SUGCT: variants seen among roughly 807,000 people sequenced by gnomAD.
The protein encoded by SUGCT is succinyl-CoA:glutarate-CoA transferase, also known as succinyl-CoA:glutarate CoA-transferase.
SUGCT carries 41 observed loss-of-function variants against 55.0 expected under a neutral mutation model. The ratio of observed to expected loss-of-function variants is 0.74; its 90% confidence interval spans 0.58 to 0.97. The LOEUF (loss-of-function observed/expected upper bound fraction) is 0.97, where lower values mean the gene tolerates loss of function less well. SUGCT is among the 50% of genes least tolerant of loss of function. SUGCT has a pLI of 0.00. For missense variants in SUGCT, 568 were observed against 547.8 expected (o/e 1.04, Z -0.37); for synonymous variants, 187 against 200.4 (o/e 0.93, Z 0.56).
chr7:40,383,910 C>T (rs1452581393), intron 9 of SUGCT, among the ~76,000 whole-genome samples: 32 of 152,072 alleles, frequency 2.1e-4, no homozygotes. Context: ...ATGCTTCCCC[C>T]TGCACAGATC....
intron 12 of SUGCT, among the ~76,000 whole-genome samples, chr7:40,698,007 A>G (rs560076080): frequency 2.1e-4 from 32 of 152,234 alleles, no homozygotes; most frequent in Non-Finnish European, 4.3e-4. Flanking sequence ...AGAGGAAGAC[A>G]TTCTGACAGG....
chr7:41,034,597 T>G, the SUGCT span, among the ~76,000 whole-genome samples: 3 of 152,238 alleles, frequency 2.0e-5, no homozygotes, highest in African/African-American at 7.2e-5. Context: ...TCCCTAGACA[T>G]GTTGACCTTT....
In SUGCT at chr7:40,832,230, G is replaced by A. The variant is rs886367918; in HGVS notation, c.1154-28086G>A. Among the ~76,000 whole-genome samples, 42 of 152,158 alleles carry A rather than the reference G, an allele frequency of 2.8e-4. 1 individual carries two copies. The highest frequency in any genetic ancestry group is 2.5e-3 in the East Asian group (13 of 5,170). On this transcript the variant is annotated intron_variant, in intron 13 of 13. Transcript: ENST00000335693. ...ATCCAACAGTTCTGGTTCTTGCTCC[G>A]CTTCCTTATTTGGGGGATTCTAGGC...
At chr7:40,915,909 G>T in the SUGCT span, among the ~76,000 whole-genome samples, 3 of 152,192 alleles carry the variant, frequency 2.0e-5, no homozygotes, top group African/African-American at 7.2e-5. Context: ...TATTGGGCAT[G>T]TTGGGTACCT....
At chr7:40,406,618 G>A (rs1299676755) in intron 9 of SUGCT, among the ~76,000 whole-genome samples, 3 of 152,128 alleles carry the variant, frequency 2.0e-5, no homozygotes, top group Non-Finnish European at 4.4e-5. Flanking sequence ...CATTAGGCAA[G>A]GAAATTGATT....
At position 40,206,269 on chromosome 7, in the gene SUGCT, A is replaced by G. The variant is rs867332258; in HGVS notation, c.484+11209A>G. 5.3e-5 allele frequency among the ~76,000 whole-genome samples: 8 copies of G among 152,356 alleles called. No homozygotes were observed. In the Middle Eastern group the frequency reaches 0.014, roughly 259 times the overall value. On this transcript the variant is annotated intron_variant, in intron 6 of 13. Coordinates refer to ENST00000335693, the MANE Select transcript of SUGCT (RefSeq NM_001193313.2). ...AAAAAAATTTTATACTTAAAAGGATAAAAACATACATGTCAGATAGTGTTT... is the reference window on the plus strand; with the variant it reads ...AAAAAAATTTTATACTTAAAAGGATGAAAACATACATGTCAGATAGTGTTT...
intron 12 of SUGCT, chr7:40,499,004 T>C (rs1453808999): frequency 2.3e-6 from 1 of 438,602 alleles, no homozygotes; most frequent in East Asian, 7.0e-5. Context: ...CTAAGTATGA[T>C]TTCCGTTTAA....
At chr7:40,557,771 TAAAAAAA>T (rs34029032) in intron 12 of SUGCT, among the ~76,000 whole-genome samples, 11 of 115,820 alleles carry the variant, frequency 9.5e-5, no homozygotes, top group African/African-American at 3.0e-4. Context: ...AGACTCTGTC[TAAAAAAA>T]AAAAAAAAGA....
chr7:40,181,989 G>A lies in SUGCT; in HGVS notation c.187G>A (p.Gly63Arg), dbSNP rs757708204. 2.5e-6 allele frequency: 4 copies of A among 1,602,244 alleles called. No individual in the cohort carries two copies. In the Admixed American group the frequency reaches 5.1e-5, roughly 20 times the overall value. The change falls in exon 3 of 14, where the codon GGA becomes AGA. Residue 63 changes from glycine to arginine, a missense_variant. Transcript: ENST00000335693. ...LAGPFATMNL[G>R]DLGAEVIKVE... The stretch of plus-strand genomic sequence containing the variant: ...GGGACCTTTTGCTACTATGAATTTA[G>A]GAGATCTTGGAGCAGAAGTTATAAA...
At chr7:40,888,913 G>A in the SUGCT span, among the ~76,000 whole-genome samples, 1 of 152,238 alleles carries the variant, frequency 6.6e-6, no homozygotes, top group Non-Finnish European at 1.5e-5. Context: ...CATGGCTGCT[G>A]CTCAGCTAGG....
intron 13 of SUGCT, among the ~76,000 whole-genome samples, chr7:40,851,148 A>G (rs1302480082): frequency 6.6e-6 from 1 of 152,192 alleles, no homozygotes; most frequent in Non-Finnish European, 1.5e-5. Flanking sequence ...TAGACACTCC[A>G]GCTCTAGAAC....
intron 12 of SUGCT, among the ~76,000 whole-genome samples, chr7:40,739,183 G>A (rs150056814): frequency 1.4e-4 from 21 of 152,222 alleles, no homozygotes; most frequent in African/African-American, 4.6e-4. Context: ...AGATAGAGAA[G>A]AGTTCCATCA....
At chr7:40,871,361 G>T in the SUGCT span, among the ~76,000 whole-genome samples, 1 of 152,082 alleles carries the variant, frequency 6.6e-6, no homozygotes, top group Non-Finnish European at 1.5e-5. Flanking sequence ...TAGCTATGTG[G>T]AGAGAGAGGG....
intron 11 of SUGCT, among the ~76,000 whole-genome samples, chr7:40,481,594 C>T (rs1477503452): frequency 1.3e-5 from 2 of 151,946 alleles, no homozygotes; most frequent in Admixed American, 1.3e-4. Context: ...ATCATCTACA[C>T]ATTTATAAGA....
intron 6 of SUGCT, among the ~76,000 whole-genome samples, chr7:40,208,837 A>G (rs999382950): frequency 6.6e-6 from 1 of 152,090 alleles, no homozygotes; most frequent in Non-Finnish European, 1.5e-5. Flanking sequence ...GAGCCACTGC[A>G]CCCGACTGAT....
At chr7:40,398,164 A>C (rs1312792010) in intron 9 of SUGCT, among the ~76,000 whole-genome samples, 1 of 152,072 alleles carries the variant, frequency 6.6e-6, no homozygotes, top group Non-Finnish European at 1.5e-5. Flanking sequence ...CGATCTCAGC[A>C]CGCTGCAACC....
chr7:40,544,462 A>G (rs1385406740), intron 12 of SUGCT, among the ~76,000 whole-genome samples: 2 of 152,174 alleles, frequency 1.3e-5, no homozygotes, highest in African/African-American at 2.4e-5. Flanking sequence ...TTCCATGTGC[A>G]TTTTATCATG....
At chr7:40,166,672 A>G (rs1584236763) in intron 1 of SUGCT, among the ~76,000 whole-genome samples, 1 of 152,186 alleles carries the variant, frequency 6.6e-6, no homozygotes, top group Admixed American at 6.5e-5. Flanking sequence ...AGATCACCTG[A>G]GGTCAGGAGT....
At chr7:40,358,265 A>T (rs1797973789) in intron 9 of SUGCT, among the ~76,000 whole-genome samples, 1 of 152,238 alleles carries the variant, frequency 6.6e-6, no homozygotes, top group African/African-American at 2.4e-5. Flanking sequence ...TGAAGTGTTT[A>T]GTAGCTGGGA....
Sources: gnomAD v4.1 joint callset for allele counts (sites outside exome capture counted in the v4.1 genomes callset) on GRCh38, gnomAD v4.1.1 for gene constraint, MANE v1.5 for transcripts, NCBI Gene and HGNC (gene_info 2026-07-23, HGNC 2026-07-21) for gene names.